HAS3: variants seen among roughly 807,000 people sequenced by gnomAD.
HAS3 encodes HA synthase 3.
A neutral mutation model predicts 50.3 loss-of-function variants in HAS3; 27 were observed. The observed-to-expected ratio is 0.54, with a 90% CI of 0.40 to 0.74. The LOEUF (loss-of-function observed/expected upper bound fraction) is 0.74, where lower values mean the gene tolerates loss of function less well. Among genes scored for constraint, HAS3 ranks in the 30% least tolerant of loss-of-function variants. HAS3 has a pLI of 0.00. For synonymous variants in HAS3, 339 were observed against 310.9 expected (o/e 1.09, Z -0.95); for missense variants, 517 against 742.8 (o/e 0.70, Z 3.53).
At chr16:69,108,599 C>T (rs1388264507) in intron 1 of HAS3, among the ~76,000 whole-genome samples, 2 of 152,144 alleles carry the variant, frequency 1.3e-5, no homozygotes, top group Non-Finnish European at 2.9e-5. Context: ...GATGCCCAGG[C>T]AGCCACTGTG....
rs971952225 is a variant in HAS3 at position 69,105,789 on chromosome 16, TGA to T, written c.-1+4_-1+5del. The stretch of plus-strand genomic sequence containing the variant: ...CTCTCAGCTCGCCTTCCTTGCAGGG[TGA>T]GTAGGTTTTGCGGGTTAGAGAGCGG... On this transcript the variant is annotated splice_donor_region_variant and intron_variant, in intron 1 of 3. Transcript: ENST00000569188. 1 of 151,496 alleles carries T rather than the reference TGA, an allele frequency of 6.6e-6. No homozygotes were observed. Among genetic ancestry groups the T allele is most frequent in the African/African-American group, 2.4e-5 (1 of 41,180 alleles). 9.4% of individuals were successfully genotyped at this position (151,496 alleles called of 1,614,324 possible).
the HAS3 span, among the ~76,000 whole-genome samples, chr16:69,086,522 A>ATGTGTGTG: frequency 0.021 from 2,906 of 138,378 alleles, 38 homozygotes; most frequent in South Asian, 0.041. Context: ...TTTCTATATT[A>ATGTGTGTG]TGTGTGTGTG....
the HAS3 span, among the ~76,000 whole-genome samples, chr16:69,096,700 C>T: frequency 4.7e-5 from 7 of 148,870 alleles, no homozygotes; most frequent in East Asian, 1.0e-3. Flanking sequence ...TCACTCCAAC[C>T]TCCGCCTCCC....
chr16:69,103,207 T>C (rs1960714823), upstream of HAS3, among the ~76,000 whole-genome samples: 1 of 152,212 alleles, frequency 6.6e-6, no homozygotes, highest in African/African-American at 2.4e-5. Flanking sequence ...ACCAGGCTGA[T>C]GCACTCATTT....
chr16:69,112,038 C>T (rs1037055932), intron 2 of HAS3, among the ~76,000 whole-genome samples: 6 of 152,230 alleles, frequency 3.9e-5, no homozygotes, highest in Non-Finnish European at 7.3e-5. Context: ...CCGCCTGCTG[C>T]GGAGGTATCT....
chr16:69,089,765 C>T, the HAS3 span, among the ~76,000 whole-genome samples: 1 of 152,200 alleles, frequency 6.6e-6, no homozygotes, highest in Non-Finnish European at 1.5e-5. Flanking sequence ...GGAGGTCATC[C>T]CCTGTTGTCC....
At chr16:69,103,695 C>T (rs1220922098), upstream of HAS3, among the ~76,000 whole-genome samples, 1 of 152,178 alleles carries the variant, frequency 6.6e-6, no homozygotes, top group Non-Finnish European at 1.5e-5. Context: ...CCACACCCGG[C>T]CAGGCAGTTT....
At position 69,107,921 on chromosome 16, in the gene HAS3, C is replaced by G. The variant is rs1960862946; in HGVS notation, c.1-1475C>G. 6.6e-6 allele frequency among the ~76,000 whole-genome samples: 1 copy of G among 152,254 alleles called. No individual in the cohort carries two copies. Reference sequence around the variant, plus strand: ...TTTTCGGGCCAACGCTGCTGGAAGGCTGCTAGTGCCGGAGTCTCAGGTCGA... The same window carrying G: ...TTTTCGGGCCAACGCTGCTGGAAGGGTGCTAGTGCCGGAGTCTCAGGTCGA... On this transcript the variant is annotated intron_variant, in intron 1 of 3. Coordinates refer to ENST00000569188, the MANE Select transcript of HAS3 (RefSeq NM_001199280.2). The surrounding 1 kb of genome is among the most constrained non-coding windows in gnomAD (Gnocchi z 5.5).
upstream of HAS3, among the ~76,000 whole-genome samples, chr16:69,103,865 C>A (rs1025818346): frequency 2.0e-5 from 3 of 152,196 alleles, no homozygotes; most frequent in Non-Finnish European, 4.4e-5. Context: ...TCCTATCAGT[C>A]CGCCTAGCAA....
rs185816362 is a variant in HAS3 at position 69,110,082 on chromosome 16, C to T, written c.636+51C>T. On this transcript the variant is annotated intron_variant, in intron 2 of 3. Transcript: ENST00000569188. Reference sequence around the variant, plus strand: ...TGTACATGGGGATAAGTCTGGACAGCCTGGCAAACTCTCCGCCAAGAATCT... The same window carrying T: ...TGTACATGGGGATAAGTCTGGACAGTCTGGCAAACTCTCCGCCAAGAATCT... 1.6e-4 allele frequency: 242 copies of T among 1,514,442 alleles called. 1 individual carries two copies. In the African/African-American group the frequency reaches 3.0e-3, roughly 19 times the overall value. The allele number at this position is 1,514,442 out of a possible 1,614,324, so 93.8% of individuals were successfully genotyped here.
the HAS3 span, among the ~76,000 whole-genome samples, chr16:69,096,598 G>T: frequency 7.7e-6 from 1 of 130,690 alleles, no homozygotes; most frequent in Admixed American, 8.0e-5. Flanking sequence ...GCTCACACCT[G>T]TAATCCCAAC....
At chr16:69,105,070 C>A (rs1960755526), upstream of HAS3, among the ~76,000 whole-genome samples, 1 of 119,470 alleles carries the variant, frequency 8.4e-6, no homozygotes, top group African/African-American at 3.2e-5. Context: ...TGCAGTGGTG[C>A]GATTTCAGCT....
chr16:69,100,374 A>G, the HAS3 span, among the ~76,000 whole-genome samples: 24 of 152,282 alleles, frequency 1.6e-4, no homozygotes, highest in Middle Eastern at 3.4e-3. Context: ...AGCCATTTTC[A>G]GTTCGCCCTC....
In HAS3 at chr16:69,117,573, CTGCTTTT is replaced by C; in HGVS notation, c.*2309_*2315del. 1 of 808,566 alleles carries C rather than the reference CTGCTTTT, an allele frequency of 1.2e-6. No homozygotes were observed. The highest frequency in any genetic ancestry group is 5.9e-5 in the South Asian group (1 of 17,054). 50.1% of individuals were successfully genotyped at this position (808,566 alleles called of 1,614,324 possible). A position where few individuals can be genotyped will look rare whatever the true frequency, so the allele number is the denominator to read the frequency against. On this transcript the variant is annotated 3_prime_UTR_variant, in exon 4 of 4. Transcript: ENST00000569188. ...AATTTGTAAACATATTTATTTTTAC[CTGCTTTT>C]TTTTTTTTTTTTAATTTTCAGGTCA...
downstream of HAS3, chr16:69,117,862 G>C (rs1199275596): frequency 1.8e-5 from 3 of 170,824 alleles, no homozygotes; most frequent in African/African-American, 7.2e-5. Context: ...ATGGGCCCTT[G>C]CTAAGACTAA....
the HAS3 span, among the ~76,000 whole-genome samples, chr16:69,097,630 C>T: frequency 6.6e-6 from 1 of 152,152 alleles, no homozygotes; most frequent in Non-Finnish European, 1.5e-5. Context: ...GAGAGAACCT[C>T]TCCCTGGGAC....
intron 2 of HAS3, among the ~76,000 whole-genome samples, chr16:69,112,498 G>A (rs1199804580): frequency 4.6e-5 from 7 of 152,184 alleles, no homozygotes; most frequent in Admixed American, 1.3e-4. Flanking sequence ...CTCCTTTCCT[G>A]CAGGAATCTT....
At chr16:69,090,496 T>C in the HAS3 span, among the ~76,000 whole-genome samples, 1 of 151,968 alleles carries the variant, frequency 6.6e-6, no homozygotes, top group Non-Finnish European at 1.5e-5. Context: ...GAAATCTCTA[T>C]TTCTCAGGCT....
chr16:69,089,064 C>T, the HAS3 span, among the ~76,000 whole-genome samples: 1 of 152,314 alleles, frequency 6.6e-6, no homozygotes, highest in South Asian at 2.1e-4. Flanking sequence ...AGCTCCTCTT[C>T]TCTGGTAGCA....
Sources: gnomAD v4.1 joint callset for allele counts (sites outside exome capture counted in the v4.1 genomes callset) on GRCh38, gnomAD v4.1.1 for gene constraint, Gnocchi (gnomAD v3.1) non-coding constraint, MANE v1.5 for transcripts, NCBI Gene and HGNC (gene_info 2026-07-23, HGNC 2026-07-21) for gene names.